Variants in MEGF6 observed in about 807,000 individuals in gnomAD.
MEGF6 encodes multiple epidermal growth factor-like domains protein 6.
In MEGF6, 184 loss-of-function variants were observed where a neutral mutation model predicts 207.1. The ratio of observed to expected loss-of-function variants is 0.89; its 90% CI spans 0.79 to 1.00. The LOEUF (loss-of-function observed/expected upper bound fraction) is 1.00. Ranked by LOEUF, MEGF6 falls within the 50% of genes least tolerant of loss-of-function variation. The pLI, the probability that MEGF6 is intolerant of heterozygous loss-of-function variation, is 0.00. For synonymous variants in MEGF6, 1,038 were observed against 910.0 expected, an observed-to-expected ratio of 1.14 and a Z score of -2.53; for missense variants, 2,282 against 2,202.9, an observed-to-expected ratio of 1.04 and a Z score of -0.72.
chr1:3,509,642 T>TC (rs1459516784), intron 11 of MEGF6, among the ~76,000 whole-genome samples: 1 of 151,672 alleles, frequency 6.6e-6, no homozygotes, highest in Non-Finnish European at 1.5e-5. Flanking sequence ...CTCACCAGCT[T>TC]CCCCCACCCC....
chr1:3,558,723 G>A (rs531819401), intron 4 of MEGF6, among the ~76,000 whole-genome samples: 13 of 152,304 alleles, frequency 8.5e-5, no homozygotes, highest in Admixed American at 2.0e-4. Context: ...TGATGGATGC[G>A]AGCAGCACCC....
intron 4 of MEGF6, chr1:3,530,985 C>T: frequency 6.5e-6 from 9 of 1,378,100 alleles, no homozygotes; most frequent in Admixed American, 3.6e-5. Context: ...TAGCAGGCAG[C>T]GCCCTGGCGC....
Position 3,500,634 on chromosome 1 carries a change from CTGCTCGCA to C in MEGF6, c.2698_2705del (p.Cys900AlafsTer12). On this transcript the variant is annotated frameshift_variant and splice_region_variant, in exon 21 of 37. Coordinates refer to ENST00000356575, the MANE Select transcript of MEGF6 (RefSeq NM_001409.4). LOFTEE classifies it high-confidence loss of function. ...GCCAAAGGCAGGGCCGGGACTCACG[CTGCTCGCA>C]CCGCGGGCCCACGTAGCCAGCCTCA... 1 of 1,555,228 alleles carries C rather than the reference CTGCTCGCA, an allele frequency of 6.4e-7. No homozygotes were observed. The highest frequency in any genetic ancestry group is 8.7e-7 in the Non-Finnish European group (1 of 1,149,732).
Position 3,514,571 on chromosome 1 carries a change from C to A in MEGF6, c.832G>T (p.Ala278Ser), listed in dbSNP as rs1392031937. The change falls in exon 7 of 37, where the codon GCG (alanine) becomes TCG (serine). Residue 278 changes from alanine (A) to serine (S), a missense_variant. By Grantham distance (99) the Ala-to-Ser change is moderately conservative. Transcript: ENST00000356575. ...CECHVGYQLA[A>S]DGKACEDVDE... The stretch of plus-strand genomic sequence containing the variant: ...CTACCTTCACAGGCCTTGCCGTCCG[C>A]TGCTAGCTGATAGCCCACGTGGCAC... 6.3e-7 allele frequency: 1 copy of A among 1,591,240 alleles called. No homozygotes were observed. Among genetic ancestry groups the A allele is most frequent in the Non-Finnish European group, 8.5e-7 (1 of 1,171,704 alleles).
In MEGF6 at chr1:3,509,998, G is replaced by A; in HGVS notation, c.1235-6C>T. The A allele has an allele frequency of 1.3e-6, 2 of 1,581,672 alleles. No individual in the cohort carries two copies. Among genetic ancestry groups the A allele is most frequent in the Non-Finnish European group, 1.7e-6 (2 of 1,171,418 alleles). ...GGAGGCGCACTCATCCACATCTGCG[G>A]GCGACCCGGGACCACTGAGGCCTGT... On this transcript the variant is annotated splice_polypyrimidine_tract_variant and splice_region_variant and intron_variant, in intron 10 of 36. Coordinates refer to ENST00000356575, the MANE Select transcript of MEGF6 (RefSeq NM_001409.4).
intron 5 of MEGF6, among the ~76,000 whole-genome samples, chr1:3,523,083 G>GA (rs1021801110): frequency 6.6e-6 from 1 of 151,980 alleles, no homozygotes; most frequent in Admixed American, 6.6e-5. Context: ...CCGGGGGGGG[G>GA]GCCCCAGGGC....
Position 3,490,251 on chromosome 1 carries a change from G to T in MEGF6, c.*277C>A. ...CAACTCAGAGCCGCGGGGAGAGCGG[G>T]ACTTCCTCAGCCCAGGCCCAGAGCG... On this transcript the variant is annotated 3_prime_UTR_variant, in exon 37 of 37. Coordinates refer to ENST00000356575, the MANE Select transcript of MEGF6 (RefSeq NM_001409.4). The T allele has an allele frequency of 2.0e-6, 1 of 511,956 alleles. No homozygotes were observed. The highest frequency in any genetic ancestry group is 3.4e-6 in the Non-Finnish European group (1 of 291,716). 31.7% of individuals were successfully genotyped at this position (511,956 alleles called of 1,614,324 possible).
At chr1:3,567,586 A>G (rs574694717) in intron 4 of MEGF6, among the ~76,000 whole-genome samples, 1 of 152,256 alleles carries the variant, frequency 6.6e-6, no homozygotes, top group South Asian at 2.1e-4. Context: ...GCAGCCCTGC[A>G]GGCTCTGACC....
In MEGF6 at chr1:3,495,782, G is replaced by A. The variant is rs571119157; in HGVS notation, c.3871+108C>T. ...TCAAGTGGGGAGCTGGTGGCAGCCA[G>A]GATGTGCGGGTGTCTGGGCTGGGCC... On this transcript the variant is annotated intron_variant, in intron 30 of 36. Transcript: ENST00000356575. 159 of 1,382,984 alleles carry A rather than the reference G, an allele frequency of 1.1e-4. 2 individuals are homozygous for A. In the South Asian group the frequency reaches 2.0e-3, roughly 18 times the overall value. 85.7% of individuals were successfully genotyped at this position (1,382,984 alleles called of 1,614,324 possible). A position where few individuals can be genotyped will look rare whatever the true frequency, so the allele number is the denominator to read the frequency against.
rs764981808 is a variant in MEGF6 at position 3,579,817 on chromosome 1, C to A, written c.481+8G>T. 6.7e-7 allele frequency: 1 copy of A among 1,491,012 alleles called. No individual in the cohort carries two copies. The highest frequency in any genetic ancestry group is 2.6e-5 in the East Asian group (1 of 37,828). 92.4% of individuals were successfully genotyped at this position (1,491,012 alleles called of 1,614,324 possible). A position where few individuals can be genotyped will look rare whatever the true frequency, so the allele number is the denominator to read the frequency against. On this transcript the variant is annotated splice_region_variant and intron_variant, in intron 4 of 36. Coordinates refer to ENST00000356575, the MANE Select transcript of MEGF6 (RefSeq NM_001409.4). ...CCAGGGCCTTGGTCCCCCAGGGGCT[C>A]CACTCACCATACTGACAGCGGGGTC...
intron 4 of MEGF6, among the ~76,000 whole-genome samples, chr1:3,527,224 G>A (rs1299862759): frequency 4.6e-5 from 7 of 152,186 alleles, no homozygotes; most frequent in South Asian, 2.1e-4. Flanking sequence ...AGGTGCAAGC[G>A]GCCAGCGCCA....
intron 4 of MEGF6, among the ~76,000 whole-genome samples, chr1:3,540,778 C>T (rs1642490531): frequency 6.6e-6 from 1 of 152,178 alleles, no homozygotes; most frequent in African/African-American, 2.4e-5. Flanking sequence ...TCCCATTCCC[C>T]ACGGCAGAGC....
intron 4 of MEGF6, chr1:3,531,357 C>A: frequency 8.4e-7 from 1 of 1,188,928 alleles, no homozygotes; most frequent in Non-Finnish European, 1.0e-6. Context: ...TCCGGGCGGG[C>A]GCGCAATCCC....
At chr1:3,510,693 A>G in intron 10 of MEGF6, 90 bp downstream of exon 10, 1 of 1,485,394 alleles carries the variant, frequency 6.7e-7, no homozygotes, top group Non-Finnish European at 9.0e-7. Context: ...CATGCCCACC[A>G]TGGGGGTACC....
At chr1:3,561,288 G>A (rs1016199248) in intron 4 of MEGF6, among the ~76,000 whole-genome samples, 4 of 152,208 alleles carry the variant, frequency 2.6e-5, no homozygotes, top group African/African-American at 9.6e-5. Context: ...GTCCAGCCAG[G>A]AGCCCCCTGG....
At chr1:3,539,712 C>T (rs1465126355) in intron 4 of MEGF6, among the ~76,000 whole-genome samples, 1 of 152,168 alleles carries the variant, frequency 6.6e-6, no homozygotes, top group African/African-American at 2.4e-5. Flanking sequence ...TTTCCCCAGC[C>T]CAGGAGGCCC....
At chr1:3,572,585 G>A (rs530213000) in intron 4 of MEGF6, among the ~76,000 whole-genome samples, 27 of 147,136 alleles carry the variant, frequency 1.8e-4, no homozygotes, top group African/African-American at 6.1e-4. Context: ...TCCTGTGTGT[G>A]ATGGGTTCTC....
At chr1:3,532,185 A>G (rs1033293449) in intron 4 of MEGF6, among the ~76,000 whole-genome samples, 3 of 152,220 alleles carry the variant, frequency 2.0e-5, no homozygotes, top group African/African-American at 7.2e-5. Context: ...TCGAGGGCAT[A>G]GCCCGGGGGA....
chr1:3,618,148 G>T, the MEGF6 span, among the ~76,000 whole-genome samples: 1 of 152,202 alleles, frequency 6.6e-6, no homozygotes, highest in Non-Finnish European at 1.5e-5. This position sits in a 1 kb window ranked among gnomAD's most constrained non-coding sequence, Gnocchi z 4.7. Flanking sequence ...GGCCAAGCCT[G>T]GGAGGCAGGG....
Sources: gnomAD v4.1 joint callset for allele counts (sites outside exome capture counted in the v4.1 genomes callset) on GRCh38, gnomAD v4.1.1 for gene constraint, Gnocchi (gnomAD v3.1) non-coding constraint, MANE v1.5 for transcripts, NCBI Gene and HGNC (gene_info 2026-07-23, HGNC 2026-07-21) for gene names.